BZW2: variants seen among roughly 807,000 people sequenced by gnomAD.
BZW2 encodes eIF5-mimic protein 1.
Under a neutral mutation model 53.2 loss-of-function variants are expected in BZW2, and 23 were observed. That is an observed-to-expected ratio of 0.43 (90% CI 0.31 to 0.61). The LOEUF (loss-of-function observed/expected upper bound fraction) is 0.61. Among genes scored for constraint, BZW2 ranks in the 20% least tolerant of loss-of-function variants. The probability of loss-of-function intolerance (pLI) is 0.09; values close to 1 mark genes in which losing one functional copy is unlikely to be tolerated. For synonymous variants in BZW2, 227 were observed against 186.4 expected (o/e 1.22, Z -1.77); for missense variants, 409 against 503.1 (o/e 0.81, Z 1.79).
intron 8 of BZW2, 21 bp from the exon 9 acceptor site, chr7:16,696,893 AC>A: frequency 6.2e-7 from 1 of 1,613,458 alleles, no homozygotes; most frequent in Non-Finnish European, 8.5e-7. Flanking sequence ...TTACTTTCTG[AC>A]CCCATTTCCA....
At chr7:16,666,154 G>A (rs546594568) in intron 2 of BZW2, among the ~76,000 whole-genome samples, 1 of 152,178 alleles carries the variant, frequency 6.6e-6, no homozygotes, top group Non-Finnish European at 1.5e-5. Context: ...GAGTGCAGTG[G>A]TGTGATGATA....
intron 3 of BZW2, among the ~76,000 whole-genome samples, chr7:16,675,255 C>T (rs1773370737): frequency 6.6e-6 from 1 of 152,122 alleles, no homozygotes; most frequent in Non-Finnish European, 1.5e-5. Context: ...TAGTTCCTGT[C>T]GTAGCTGTAA....
At chr7:16,681,907 G>C (rs954223449) in intron 4 of BZW2, among the ~76,000 whole-genome samples, 2 of 151,996 alleles carry the variant, frequency 1.3e-5, no homozygotes, top group African/African-American at 4.8e-5. Flanking sequence ...ATTTATTCTT[G>C]GATCAGGAGA....
At chr7:16,683,494 A>C (rs1783017081) in intron 5 of BZW2, among the ~76,000 whole-genome samples, 1 of 152,238 alleles carries the variant, frequency 6.6e-6, no homozygotes, top group African/African-American at 2.4e-5. Context: ...GTTAAAGCCT[A>C]TGGAAGAATG....
chr7:16,685,404 T>G (rs553575196), intron 5 of BZW2, among the ~76,000 whole-genome samples: 1 of 151,376 alleles, frequency 6.6e-6, no homozygotes, highest in Non-Finnish European at 1.5e-5. Context: ...TAACTTCGAC[T>G]CTTTCCTGTT....
intron 6 of BZW2, 130 bp downstream of exon 6, chr7:16,686,170 G>T (rs759148231): frequency 1.5e-6 from 2 of 1,375,276 alleles, no homozygotes; most frequent in Non-Finnish European, 1.0e-6. Flanking sequence ...GAATATCTTT[G>T]TATGGGTGTA....
rs150473149 is a variant in BZW2, at chr7:16,680,648, T to C, written c.236-653T>C. ...GGGAAAACCCTGTATCTACAAAAAT[T>C]ACAAAAAAATAAGCTGGGCATGGTG... On this transcript the variant is annotated intron_variant, in intron 3 of 11. Coordinates refer to ENST00000258761, the MANE Select transcript of BZW2 (RefSeq NM_014038.3). Among the ~76,000 whole-genome samples the C allele has an allele frequency of 8.3e-4, 125 of 151,400 alleles. No homozygotes were observed. In the East Asian group the frequency reaches 0.024, roughly 29 times the overall value.
chr7:16,686,081 G>A (rs1294735080), intron 6 of BZW2, 41 bp downstream of exon 6: 13 of 1,604,612 alleles, frequency 8.1e-6, no homozygotes, highest in Non-Finnish European at 1.1e-5. Flanking sequence ...GACAACAAAA[G>A]AAAAATAAAG....
chr7:16,697,994 C>T (rs140913839), intron 9 of BZW2, 54 bp from the exon 10 acceptor site: 21 of 1,602,014 alleles, frequency 1.3e-5, no homozygotes, highest in African/African-American at 5.4e-5. Flanking sequence ...CCAGCAGTGT[C>T]GGCTCTGTAC....
intron 1 of BZW2, among the ~76,000 whole-genome samples, chr7:16,646,978 G>A (rs139410537): frequency 6.6e-6 from 1 of 152,270 alleles, no homozygotes; most frequent in East Asian, 1.9e-4. Flanking sequence ...GGGTGGGGAG[G>A]TTGGAGAGGG....
intron 4 of BZW2, among the ~76,000 whole-genome samples, chr7:16,681,733 G>C (rs1261394253): frequency 6.6e-6 from 1 of 152,156 alleles, no homozygotes; most frequent in African/African-American, 2.4e-5. Context: ...TTGGGAGGCT[G>C]AGGCAGGAGG....
chr7:16,671,872 G>A (rs1048333599), intron 2 of BZW2, among the ~76,000 whole-genome samples: 1 of 140,740 alleles, frequency 7.1e-6, no homozygotes, highest in Non-Finnish European at 1.5e-5. Context: ...CAGAGGTTAT[G>A]GTGAGCCAAG....
At chr7:16,676,217 G>C (rs1336231543) in intron 3 of BZW2, among the ~76,000 whole-genome samples, 2 of 152,140 alleles carry the variant, frequency 1.3e-5, no homozygotes, top group African/African-American at 4.8e-5. Flanking sequence ...TGTTATACTG[G>C]ATGATTCTAA....
Position 16,681,372 on chromosome 7 carries a change from G to A in BZW2, c.307G>A (p.Glu103Lys). 1 of 1,614,056 alleles carries A rather than the reference G, an allele frequency of 6.2e-7. No individual in the cohort carries two copies. Among genetic ancestry groups the A allele is most frequent in the Non-Finnish European group, 8.5e-7 (1 of 1,179,948 alleles). The change falls in exon 4 of 12, where the codon GAA (glutamate) becomes AAA (lysine). Residue 103 changes from glutamate (E) to lysine (K), a missense_variant. Physicochemically the swap from Glu to Lys is moderately conservative, Grantham distance 56. Coordinates refer to ENST00000258761, the MANE Select transcript of BZW2 (RefSeq NM_014038.3). Reference protein sequence around the residue: ...MTNHCVFSANEDHETIRNYAQ... With the variant: ...MTNHCVFSANKDHETIRNYAQ... Reference sequence around the variant, plus strand: ...CAACCACTGTGTGTTTTCAGCAAATGAAGATCATGAAACCATCCGAAACTA... The same window carrying A: ...CAACCACTGTGTGTTTTCAGCAAATAAAGATCATGAAACCATCCGAAACTA...
chr7:16,653,977 T>G (rs1375394788), intron 1 of BZW2, among the ~76,000 whole-genome samples: 1 of 146,496 alleles, frequency 6.8e-6, no homozygotes, highest in African/African-American at 2.5e-5. Flanking sequence ...CTGGGCATGG[T>G]GACTCATGCC....
At chr7:16,695,935 G>A (rs1266048050) in intron 8 of BZW2, 1 of 152,130 alleles carries the variant, frequency 6.6e-6, no homozygotes, top group Non-Finnish European at 1.5e-5. Context: ...TTTTCCATGG[G>A]GAAAAGAAGC....
intron 1 of BZW2, among the ~76,000 whole-genome samples, chr7:16,650,637 A>G (rs1448749701): frequency 6.6e-6 from 1 of 152,216 alleles, no homozygotes. Flanking sequence ...TGTCCTTTAT[A>G]ACATGTCATC....
At position 16,681,397 on chromosome 7, in the gene BZW2, A is replaced by G. The variant is rs1202098440; in HGVS notation, c.332A>G (p.Tyr111Cys). Reference sequence around the variant, plus strand: ...GAAGATCATGAAACCATCCGAAACTATGCTCAGGTAGAGCCTGTTTGAGAG... The same window carrying G: ...GAAGATCATGAAACCATCCGAAACTGTGCTCAGGTAGAGCCTGTTTGAGAG... ...ANEDHETIRN[Y>C]AQVFNKLIRR... The change falls in exon 4 of 12, where the codon TAT becomes TGT. Residue 111 changes from tyrosine (Y) to cysteine (C), a missense_variant. Transcript: ENST00000258761. 6.2e-7 allele frequency: 1 copy of G among 1,613,326 alleles called. No individual in the cohort carries two copies. The highest frequency in any genetic ancestry group is 1.3e-5 in the African/African-American group (1 of 74,928).
intron 3 of BZW2, among the ~76,000 whole-genome samples, chr7:16,674,866 T>A (rs778627410): frequency 6.6e-6 from 1 of 152,178 alleles, no homozygotes; most frequent in South Asian, 2.1e-4. Context: ...TTCTCATATG[T>A]CCCTAATCTT....
Sources: gnomAD v4.1 joint callset for allele counts (sites outside exome capture counted in the v4.1 genomes callset) on GRCh38, gnomAD v4.1.1 for gene constraint, MANE v1.5 for transcripts, NCBI Gene and HGNC (gene_info 2026-07-23, HGNC 2026-07-21) for gene names.